SLC38A9: variants seen among roughly 807,000 people sequenced by gnomAD.
SLC38A9 encodes the protein neutral amino acid transporter 9.
Under a neutral mutation model 62.3 loss-of-function variants are expected in SLC38A9, and 48 were observed. The observed-to-expected ratio is 0.77, with a 90% CI of 0.61 to 0.98. The LOEUF (loss-of-function observed/expected upper bound fraction) is 0.98, where lower values mean the gene tolerates loss of function less well. SLC38A9 is among the 50% of genes least tolerant of loss of function. The pLI is 0.00. For missense variants in SLC38A9, 541 were observed against 679.8 expected (o/e 0.80, Z 2.27); for synonymous variants, 204 against 227.7 (o/e 0.90, Z 0.94).
Position 55,688,247 on chromosome 5 carries a change from A to C in SLC38A9, c.113+9599T>G, listed in dbSNP as rs555574440. 1.3e-3 allele frequency among the ~76,000 whole-genome samples: 199 copies of C among 151,914 alleles called. 1 individual carries two copies. Among genetic ancestry groups the C allele is most frequent in the Middle Eastern group, 0.01 (3 of 294 alleles). On this transcript the variant is annotated intron_variant, in intron 3 of 15. Coordinates refer to ENST00000396865, the MANE Select transcript of SLC38A9 (RefSeq NM_173514.4). ...CTCTCTTCCTATTTGAATGAACTTT[A>C]TTTCTTTCTCTTGCCTGATTGCTCT...
At chr5:55,701,461 C>G (rs1756635090) in intron 2 of SLC38A9, among the ~76,000 whole-genome samples, 1 of 152,206 alleles carries the variant, frequency 6.6e-6, no homozygotes, top group African/African-American at 2.4e-5. Flanking sequence ...AGTCCACATT[C>G]AACCCATTAG....
At chr5:55,704,546 C>T (rs1462522668) in intron 2 of SLC38A9, 3 of 128,424 alleles carry the variant, frequency 2.3e-5, no homozygotes, top group Non-Finnish European at 5.2e-5. Context: ...TATTTTTGAA[C>T]TTAACGAAGG....
intron 3 of SLC38A9, among the ~76,000 whole-genome samples, chr5:55,685,073 T>G (rs1325947896): frequency 6.6e-6 from 1 of 152,224 alleles, no homozygotes; most frequent in Non-Finnish European, 1.5e-5. Flanking sequence ...GTATTCTACA[T>G]TGTCTTATTA....
chr5:55,633,741 G>A lies in SLC38A9; in HGVS notation c.1430+13C>T. ...GCTTGGCACATCCTGCTGGTCAAGA[G>A]AAGAGCCCTTACCTAGGATAAATGT... On this transcript the variant is annotated intron_variant, in intron 14 of 15. Coordinates refer to ENST00000396865, the MANE Select transcript of SLC38A9 (RefSeq NM_173514.4). 1.2e-6 allele frequency: 2 copies of A among 1,614,102 alleles called. No individual in the cohort carries two copies. Among genetic ancestry groups the A allele is most frequent in the Non-Finnish European group, 1.7e-6 (2 of 1,180,004 alleles).
At chr5:55,709,581 CT>C (rs776514435) in intron 2 of SLC38A9, among the ~76,000 whole-genome samples, 7 of 151,328 alleles carry the variant, frequency 4.6e-5, no homozygotes, top group African/African-American at 1.7e-4. Context: ...AACTCTGCCC[CT>C]AACCCCAAAA....
At chr5:55,691,274 C>G in intron 3 of SLC38A9, 1 of 1,422,714 alleles carries the variant, frequency 7.0e-7, no homozygotes, top group Non-Finnish European at 9.6e-7. Context: ...CATTATAATA[C>G]CAAGCTGACA....
chr5:55,711,809 G>A (rs1262517744), intron 1 of SLC38A9, among the ~76,000 whole-genome samples: 1 of 152,172 alleles, frequency 6.6e-6, no homozygotes, highest in Non-Finnish European at 1.5e-5. Context: ...TATCTCAAGA[G>A]AGAGAAAGAA....
intron 8 of SLC38A9, among the ~76,000 whole-genome samples, chr5:55,657,592 A>C (rs1278595160): frequency 6.6e-6 from 1 of 151,322 alleles, no homozygotes; most frequent in Non-Finnish European, 1.5e-5. Context: ...TAAAGGAAGT[A>C]ACAAAGAACA....
At chr5:55,686,009 C>A (rs1174455497) in intron 3 of SLC38A9, among the ~76,000 whole-genome samples, 1 of 152,122 alleles carries the variant, frequency 6.6e-6, no homozygotes, top group East Asian at 1.9e-4. Flanking sequence ...TATGCATTTT[C>A]TTTATCCAGT....
At chr5:55,633,536 TAACTA>T in intron 14 of SLC38A9, 1 of 508,548 alleles carries the variant, frequency 2.0e-6, no homozygotes, top group Non-Finnish European at 3.4e-6. Flanking sequence ...CGGAGCTAAT[TAACTA>T]TACTGGAAGG....
At chr5:55,680,768 C>G (rs1406347608) in intron 3 of SLC38A9, among the ~76,000 whole-genome samples, 2 of 152,198 alleles carry the variant, frequency 1.3e-5, no homozygotes, top group Non-Finnish European at 2.9e-5. Context: ...TGCTTTACCA[C>G]TGGAAAGACA....
rs1750899493 is a variant in SLC38A9 at position 55,669,171 on chromosome 5, T to C, written c.526+57A>G. ...AGCATATACACACTAGTGATCTGCCTCAAAGGGAAATGCTTATTAATACCC... is the reference window on the plus strand; with the variant it reads ...AGCATATACACACTAGTGATCTGCCCCAAAGGGAAATGCTTATTAATACCC... On this transcript the variant is annotated intron_variant, in intron 7 of 15. Transcript: ENST00000396865. The C allele has an allele frequency of 2.3e-6, 3 of 1,318,336 alleles. No individual in the cohort carries two copies. In the African/African-American group the frequency reaches 4.4e-5, roughly 19 times the overall value. The allele number at this position is 1,318,336 out of a possible 1,614,324, so 81.7% of individuals were successfully genotyped here.
At chr5:55,627,440 TTC>T (rs1742635140) in intron 15 of SLC38A9, among the ~76,000 whole-genome samples, 1 of 152,142 alleles carries the variant, frequency 6.6e-6, no homozygotes, top group African/African-American at 2.4e-5. Flanking sequence ...AGGGTCTAAA[TTC>T]TTACTTAAAC....
intron 14 of SLC38A9, among the ~76,000 whole-genome samples, chr5:55,630,629 T>C (rs1743277481): frequency 6.6e-6 from 1 of 152,164 alleles, no homozygotes; most frequent in Admixed American, 6.5e-5. Flanking sequence ...TTAAAAATTT[T>C]TTGAAAGCAG....
chr5:55,627,252 C>T (rs913214251), intron 15 of SLC38A9, among the ~76,000 whole-genome samples: 1 of 152,078 alleles, frequency 6.6e-6, no homozygotes, highest in Admixed American at 6.5e-5. Context: ...CTTCTTGTTC[C>T]TTGTTACTTT....
At chr5:55,674,471 T>A (rs1049459958) in intron 3 of SLC38A9, among the ~76,000 whole-genome samples, 2 of 152,110 alleles carry the variant, frequency 1.3e-5, no homozygotes, top group African/African-American at 4.8e-5. Context: ...AGGAGTGGGA[T>A]CCTGGTAAAA....
At chr5:55,703,105 T>C (rs1439943483) in intron 2 of SLC38A9, among the ~76,000 whole-genome samples, 1 of 152,086 alleles carries the variant, frequency 6.6e-6, no homozygotes, top group Non-Finnish European at 1.5e-5. Context: ...GAACAATATA[T>C]TCATTCAACA....
intron 7 of SLC38A9, among the ~76,000 whole-genome samples, chr5:55,666,048 T>A (rs13177722): frequency 0.65 from 98,058 of 151,654 alleles, 31,916 homozygotes; most frequent in South Asian, 0.73. Flanking sequence ...GCAATGATTA[T>A]GCAAATACAA....
intron 14 of SLC38A9, among the ~76,000 whole-genome samples, chr5:55,630,064 A>C (rs1382115691): frequency 6.6e-6 from 1 of 152,192 alleles, no homozygotes; most frequent in African/African-American, 2.4e-5. Context: ...TCCACGATGC[A>C]ACTCATAAGA....
Sources: gnomAD v4.1 joint callset for allele counts (sites outside exome capture counted in the v4.1 genomes callset) on GRCh38, gnomAD v4.1.1 for gene constraint, MANE v1.5 for transcripts, NCBI Gene and HGNC (gene_info 2026-07-23, HGNC 2026-07-21) for gene names.